INVS: variants seen among roughly 807,000 people sequenced by gnomAD.
INVS encodes inversin.
Under a neutral mutation model 108.8 loss-of-function variants are expected in INVS, and 86 were observed. That is an observed-to-expected ratio of 0.79 (90% CI 0.66 to 0.95). INVS has a LOEUF of 0.95. Ranked by LOEUF, INVS falls within the 40% of genes least tolerant of loss-of-function variation. The pLI is 0.00. For missense variants in INVS, 1,169 were observed against 1,297.4 expected (o/e 0.90, Z 1.52); for synonymous variants, 455 against 473.5 (o/e 0.96, Z 0.51).
chr9:100,275,307 C>T (rs1399673958), intron 12 of INVS, among the ~76,000 whole-genome samples: 1 of 152,210 alleles, frequency 6.6e-6, no homozygotes, highest in African/African-American at 2.4e-5. Flanking sequence ...TTTCCTTCTA[C>T]TGATGTTTCC....
intron 3 of INVS, among the ~76,000 whole-genome samples, chr9:100,146,997 T>C (rs1828639321): frequency 6.6e-6 from 1 of 152,234 alleles, no homozygotes; most frequent in African/African-American, 2.4e-5. Context: ...GTTTAAAAAC[T>C]GCATGGCATG....
intron 2 of INVS, among the ~76,000 whole-genome samples, chr9:100,122,805 C>T (rs779371982): frequency 3.9e-4 from 59 of 151,778 alleles, no homozygotes; most frequent in Non-Finnish European, 8.8e-5. Context: ...AGGATGGTCT[C>T]GATCTCCTGA....
At chr9:100,212,512 G>C (rs1449267908) in intron 3 of INVS, among the ~76,000 whole-genome samples, 2 of 150,780 alleles carry the variant, frequency 1.3e-5, no homozygotes, top group Non-Finnish European at 3.0e-5. Context: ...TTTTCTTTTT[G>C]CTAGACCTCT....
intron 13 of INVS, among the ~76,000 whole-genome samples, chr9:100,287,755 T>A (rs545838783): frequency 6.6e-6 from 1 of 152,346 alleles, no homozygotes; most frequent in South Asian, 2.1e-4. Flanking sequence ...CCTGTGGAAC[T>A]GTGAGTCGAT....
At chr9:100,252,535 A>C in intron 9 of INVS, 97 bp downstream of exon 9, 1 of 1,139,088 alleles carries the variant, frequency 8.8e-7, no homozygotes, top group Admixed American at 1.9e-5. Context: ...AGAAAGCTGC[A>C]CAAGTACAAG....
At chr9:100,287,426 G>A (rs1400415070) in intron 13 of INVS, among the ~76,000 whole-genome samples, 1 of 152,120 alleles carries the variant, frequency 6.6e-6, no homozygotes, top group East Asian at 1.9e-4. Flanking sequence ...GGAATTTTTG[G>A]CTATTAAACA....
At chr9:100,238,066 A>G (rs1831746721) in intron 5 of INVS, among the ~76,000 whole-genome samples, 1 of 151,918 alleles carries the variant, frequency 6.6e-6, no homozygotes, top group Admixed American at 6.6e-5. Flanking sequence ...TTTAGTAGAG[A>G]CGGGGTTTCA....
At chr9:100,297,213 T>A in intron 15 of INVS, 67 bp downstream of exon 15, 1 of 1,202,006 alleles carries the variant, frequency 8.3e-7, no homozygotes, top group Non-Finnish European at 1.2e-6. Context: ...GAATCTGAAG[T>A]AGAATTTAAT....
intron 13 of INVS, among the ~76,000 whole-genome samples, chr9:100,291,800 TGCTGGAGA>T (rs1473338511): frequency 6.6e-6 from 1 of 152,206 alleles, no homozygotes; most frequent in African/African-American, 2.4e-5. Flanking sequence ...CATCTCTAAG[TGCTGGAGA>T]GCAGATTTTA....
At chr9:100,163,671 G>T (rs753205253) in intron 3 of INVS, among the ~76,000 whole-genome samples, 3 of 151,968 alleles carry the variant, frequency 2.0e-5, no homozygotes, top group African/African-American at 7.3e-5. Flanking sequence ...GGGTGATCAG[G>T]GTAGACCTCA....
In INVS at chr9:100,217,918, G is replaced by A. The variant is rs191050345; in HGVS notation, c.274-8144G>A. ...ATATAATGAAATTACTGATATTTGC[G>A]ACCTATATACTTCCTAGGGATAGTA... On this transcript the variant is annotated intron_variant, in intron 3 of 16. Transcript: ENST00000262457. Among the ~76,000 whole-genome samples, 87 of 152,100 alleles carry A rather than the reference G, an allele frequency of 5.7e-4. 1 individual carries two copies. Among genetic ancestry groups the A allele is most frequent in the African/African-American group, 1.9e-3 (80 of 41,480 alleles).
intron 3 of INVS, among the ~76,000 whole-genome samples, chr9:100,129,059 C>G (rs1827970178): frequency 6.6e-6 from 1 of 151,668 alleles, no homozygotes; most frequent in Non-Finnish European, 1.5e-5. Flanking sequence ...GTGGCCCACA[C>G]CTGTAGTCCT....
intron 12 of INVS, among the ~76,000 whole-genome samples, chr9:100,274,607 C>A (rs1833062688): frequency 6.6e-6 from 1 of 152,184 alleles, no homozygotes; most frequent in African/African-American, 2.4e-5. Context: ...CGGGTTCAAG[C>A]GATTCTTATG....
chr9:100,269,805 T>C (rs562106224), intron 11 of INVS, among the ~76,000 whole-genome samples: 124 of 152,308 alleles, frequency 8.1e-4, no homozygotes, highest in African/African-American at 2.7e-3. Context: ...GGGATGGTCA[T>C]AGATACTAGT....
At chr9:100,109,873 G>C (rs538157539) in intron 2 of INVS, among the ~76,000 whole-genome samples, 2 of 152,284 alleles carry the variant, frequency 1.3e-5, no homozygotes, top group South Asian at 4.1e-4. Flanking sequence ...CTCCATGTTG[G>C]TCAGGCTGGT....
intron 3 of INVS, among the ~76,000 whole-genome samples, chr9:100,140,270 CTG>C (rs1423017692): frequency 2.6e-5 from 4 of 152,058 alleles, no homozygotes; most frequent in Non-Finnish European, 4.4e-5. Flanking sequence ...CGGGCTGAGT[CTG>C]AAAAGAGTCA....
In INVS at chr9:100,218,071, TATATA is replaced by T. The variant is rs199638909; in HGVS notation, c.274-7985_274-7981del. ...TCAATTTTAAGTAATGTATTTTGGG[TATATA>T]ATATATTTAGGATTTAAAATGAACT... is the stretch of plus-strand genomic sequence containing the variant. On this transcript the variant is annotated intron_variant, in intron 3 of 16. Transcript: ENST00000262457. Among the ~76,000 whole-genome samples, 892 of 152,232 alleles carry T rather than the reference TATATA, an allele frequency of 5.9e-3. 32 individuals are homozygous for T. The highest frequency in any genetic ancestry group is 0.055 in the Admixed American group (836 of 15,290).
intron 13 of INVS, among the ~76,000 whole-genome samples, chr9:100,286,391 TA>T (rs958400807): frequency 1.3e-5 from 2 of 152,060 alleles, no homozygotes; most frequent in African/African-American, 4.8e-5. Flanking sequence ...CCATCTCTAC[TA>T]AAAATATACA....
intron 14 of INVS, among the ~76,000 whole-genome samples, chr9:100,296,019 C>A (rs933229035): frequency 6.6e-6 from 1 of 152,072 alleles, no homozygotes; most frequent in African/African-American, 2.4e-5. Flanking sequence ...CTGAAATCAG[C>A]CTTTGGGGAA....
Sources: gnomAD v4.1 joint callset for allele counts (sites outside exome capture counted in the v4.1 genomes callset) on GRCh38, gnomAD v4.1.1 for gene constraint, MANE v1.5 for transcripts, NCBI Gene and HGNC (gene_info 2026-07-23, HGNC 2026-07-21) for gene names.